PLEKHD1: variants seen among roughly 807,000 people sequenced by gnomAD.
PLEKHD1 encodes the protein pleckstrin homology and coiled-coil domain containing D1.
Under a neutral mutation model 69.2 loss-of-function variants are expected in PLEKHD1, and 51 were observed. The ratio of observed to expected loss-of-function variants is 0.74; its 90% CI spans 0.59 to 0.93. PLEKHD1 has a LOEUF of 0.93. Ranked by LOEUF, PLEKHD1 falls within the 40% of genes least tolerant of loss-of-function variation. PLEKHD1 has a pLI of 0.00. For synonymous variants in PLEKHD1, 236 were observed against 244.7 expected, an observed-to-expected ratio of 0.96 and a Z score of 0.33; for missense variants, 584 against 641.0, an observed-to-expected ratio of 0.91 and a Z score of 0.96.
intron 1 of PLEKHD1, among the ~76,000 whole-genome samples, chr14:69,491,442 C>T (rs1317910521): frequency 6.6e-6 from 1 of 152,210 alleles, no homozygotes; most frequent in African/African-American, 2.4e-5. Flanking sequence ...ATCCTCTCTC[C>T]TCTGCACTCT....
At chr14:69,494,325 A>G (rs904463568) in intron 1 of PLEKHD1, among the ~76,000 whole-genome samples, 2 of 152,034 alleles carry the variant, frequency 1.3e-5, no homozygotes, top group African/African-American at 4.8e-5. Flanking sequence ...GAGCTCTAAC[A>G]TTGGCTACCC....
In PLEKHD1 at chr14:69,522,292, C is replaced by A; in HGVS notation, c.565C>A (p.Arg189Ser). 6.4e-7 allele frequency: 1 copy of A among 1,551,408 alleles called. No homozygotes were observed. The highest frequency in any genetic ancestry group is 8.7e-7 in the Non-Finnish European group (1 of 1,146,836). ...TCTCTGGTCTCTTCAGGAGCTTGAG[C>A]GCCTTAACCAGGTGCTGGAGGCCGA... ...LQREQREELE[R>S]LNQVLEAEKQ... The change falls in exon 7 of 13, where the codon CGC becomes AGC. Residue 189 changes from arginine to serine, a missense_variant. By Grantham distance (110) the Arg-to-Ser change is moderately radical (BLOSUM62 -1). Coordinates refer to ENST00000322564, the MANE Select transcript of PLEKHD1 (RefSeq NM_001161498.2).
At chr14:69,472,077 G>C in the PLEKHD1 span, among the ~76,000 whole-genome samples, 30 of 152,046 alleles carry the variant, frequency 2.0e-4, no homozygotes, top group Non-Finnish European at 1.5e-5. Context: ...CCCGTGCTGA[G>C]TCAGAACCAA....
intron 7 of PLEKHD1, among the ~76,000 whole-genome samples, chr14:69,523,569 G>A (rs1459992017): frequency 1.3e-5 from 2 of 152,138 alleles, no homozygotes; most frequent in South Asian, 2.1e-4. Flanking sequence ...TCTGGTTGGG[G>A]AAACCAGACT....
chr14:69,526,192 C>T, intron 9 of PLEKHD1, 70 bp downstream of exon 9: 3 of 1,448,372 alleles, frequency 2.1e-6, no homozygotes, highest in Non-Finnish European at 2.8e-6. Flanking sequence ...AACTGGACAT[C>T]CAGACTCTTG....
rs1028487640 is a variant in PLEKHD1, at chr14:69,529,618, T to C, written c.*1199T>C. ...CTCTGGTTCCTGCATTATGTACTTC[T>C]GGTTGCGCAGGGAGGCAGTGTTCCT... On this transcript the variant is annotated 3_prime_UTR_variant, in exon 13 of 13. Coordinates refer to ENST00000322564, the MANE Select transcript of PLEKHD1 (RefSeq NM_001161498.2). 9 of 152,318 alleles carry C rather than the reference T, an allele frequency of 5.9e-5. No individual in the cohort carries two copies. Among genetic ancestry groups the C allele is most frequent in the African/African-American group, 2.2e-4 (9 of 41,546 alleles). The allele number at this position is 152,318 out of a possible 1,614,324, so 9.4% of individuals were successfully genotyped here. A position where few individuals can be genotyped will look rare whatever the true frequency, so the allele number is the denominator to read the frequency against.
intron 12 of PLEKHD1, 113 bp downstream of exon 12, chr14:69,528,045 C>A: frequency 6.7e-7 from 1 of 1,499,778 alleles, no homozygotes; most frequent in Non-Finnish European, 9.0e-7. Flanking sequence ...TGGCCTTGAA[C>A]CTGGCCCCAC....
chr14:69,508,219 C>T (rs1296679075), intron 6 of PLEKHD1, among the ~76,000 whole-genome samples: 1 of 152,016 alleles, frequency 6.6e-6, no homozygotes, highest in Non-Finnish European at 1.5e-5. Context: ...CCAGCCTGGC[C>T]AACATGGTGA....
rs35831952 is a variant in PLEKHD1 at position 69,503,863 on chromosome 14, CAAAAAAA to C, written c.555+1004_555+1010del. On this transcript the variant is annotated intron_variant, in intron 6 of 12. Transcript: ENST00000322564. The stretch of plus-strand genomic sequence containing the variant: ...TGGGCGACAGAACGAGACTCCGTCT[CAAAAAAA>C]AAAAAAAAAAAAAAAAAAATCTCAG... Among the ~76,000 whole-genome samples, 79 of 39,124 alleles carry C rather than the reference CAAAAAAA, an allele frequency of 2.0e-3. 1 individual carries two copies. The East Asian group carries it at 0.026, about 13-fold the overall frequency. The allele number at this position is 39,124 out of a possible 152,430, so 25.7% of individuals were successfully genotyped here. A position where few individuals can be genotyped will look rare whatever the true frequency, so the allele number is the denominator to read the frequency against.
intron 1 of PLEKHD1, among the ~76,000 whole-genome samples, chr14:69,490,196 G>T (rs1457395268): frequency 6.6e-6 from 1 of 152,142 alleles, no homozygotes; most frequent in African/African-American, 2.4e-5. Context: ...AACGTTTTTG[G>T]CACCAGGTGC....
At chr14:69,468,152 A>T in the PLEKHD1 span, among the ~76,000 whole-genome samples, 4 of 152,368 alleles carry the variant, frequency 2.6e-5, no homozygotes, top group African/African-American at 9.6e-5. Flanking sequence ...GTTAGTTAAG[A>T]CAAGGGAGAT....
chr14:69,512,295 C>A (rs949152314), intron 6 of PLEKHD1, among the ~76,000 whole-genome samples: 8 of 151,910 alleles, frequency 5.3e-5, no homozygotes, highest in African/African-American at 1.9e-4. Flanking sequence ...TTTATTTAGC[C>A]TAGTTAGAGT....
intron 1 of PLEKHD1, among the ~76,000 whole-genome samples, chr14:69,494,267 C>T (rs1882839140): frequency 6.6e-6 from 1 of 152,086 alleles, no homozygotes; most frequent in East Asian, 1.9e-4. Context: ...CGGTGGGGAC[C>T]TACCTACCTT....
chr14:69,501,648 C>T, intron 4 of PLEKHD1, 86 bp from the exon 5 acceptor site: 1 of 1,028,814 alleles, frequency 9.7e-7, no homozygotes, highest in South Asian at 1.6e-5. Flanking sequence ...AAACGTATGC[C>T]TTCTCTTTCC....
Position 69,527,885 on chromosome 14 carries a change from A to G in PLEKHD1, c.1304A>G (p.Lys435Arg). The part of the protein sequence containing the change: ...YIHKAATRRI[K>R]SCRFHRRRSS... The stretch of plus-strand genomic sequence containing the variant: ...CATAAGGCAGCCACTCGCCGCATCA[A>G]GAGCTGCCGCTTCCACCGACGCCGG... Residue 435 changes from lysine (K) to arginine (R), a missense_variant, in exon 12 of 13, where the codon AAG becomes AGG. Transcript: ENST00000322564. 1 of 1,551,504 alleles carries G rather than the reference A, an allele frequency of 6.4e-7. No homozygotes were observed. Among genetic ancestry groups the G allele is most frequent in the Non-Finnish European group, 8.7e-7 (1 of 1,147,000 alleles).
At chr14:69,471,754 G>A in the PLEKHD1 span, among the ~76,000 whole-genome samples, 1 of 152,148 alleles carries the variant, frequency 6.6e-6, no homozygotes, top group Non-Finnish European at 1.5e-5. Flanking sequence ...CAGCAGAAGA[G>A]AATGAACCAC....
At chr14:69,471,178 GC>G in the PLEKHD1 span, among the ~76,000 whole-genome samples, 1 of 133,736 alleles carries the variant, frequency 7.5e-6, no homozygotes, top group Non-Finnish European at 1.5e-5. Flanking sequence ...TACGATCATG[GC>G]TCACTGCACC....
Position 69,528,479 on chromosome 14 carries a change from G to A in PLEKHD1, c.*60G>A. The A allele has an allele frequency of 1.3e-6, 2 of 1,511,678 alleles. No homozygotes were observed. The highest frequency in any genetic ancestry group is 1.8e-6 in the Non-Finnish European group (2 of 1,128,030). The allele number at this position is 1,511,678 out of a possible 1,614,324, so 93.6% of individuals were successfully genotyped here. A position where few individuals can be genotyped will look rare whatever the true frequency, so the allele number is the denominator to read the frequency against. ...GGATGGGCGGGGGAGGGGAAGGGGT[G>A]GCAGAGGGAGGCCTCACTCTACCAG... On this transcript the variant is annotated 3_prime_UTR_variant, in exon 13 of 13. Transcript: ENST00000322564.
chr14:69,527,945 G>T lies in PLEKHD1; in HGVS notation c.1351+13G>T. ...TCCTGGAATGACAGTGAGTGTGGCT[G>T]TCTGCGTGCCCTGGTGGGATGGTGA... On this transcript the variant is annotated intron_variant, in intron 12 of 12. Transcript: ENST00000322564. 1.3e-6 allele frequency: 2 copies of T among 1,551,304 alleles called. No homozygotes were observed. The highest frequency in any genetic ancestry group is 1.7e-6 in the Non-Finnish European group (2 of 1,147,014).
Sources: gnomAD v4.1 joint callset for allele counts (sites outside exome capture counted in the v4.1 genomes callset) on GRCh38, gnomAD v4.1.1 for gene constraint, MANE v1.5 for transcripts, NCBI Gene and HGNC (gene_info 2026-07-23, HGNC 2026-07-21) for gene names.